The following COL24A1 variants were observed in gnomAD, a reference collection of about 807,000 sequenced individuals.
COL24A1 encodes the protein collagen type XXIV alpha 1 chain.
Under a neutral mutation model 253.9 loss-of-function variants are expected in COL24A1, and 224 were observed. The ratio of observed to expected loss-of-function variants is 0.88; its 90% CI spans 0.79 to 0.99. The LOEUF is 0.99. COL24A1 is among the 50% of genes least tolerant of loss of function. The pLI, the probability that COL24A1 is intolerant of heterozygous loss-of-function variation, is 0.00. For synonymous variants in COL24A1, 685 were observed against 673.7 expected, an observed-to-expected ratio of 1.02 and a Z score of -0.26; for missense variants, 2,131 against 2,068.5, an observed-to-expected ratio of 1.03 and a Z score of -0.59.
At chr1:85,924,893 C>T (rs1380625777) in intron 24 of COL24A1, among the ~76,000 whole-genome samples, 1 of 152,158 alleles carries the variant, frequency 6.6e-6, no homozygotes, top group African/African-American at 2.4e-5. Flanking sequence ...TCCATGTTTG[C>T]AGAGGACATG....
chr1:85,851,189 A>G (rs936717381), intron 37 of COL24A1, among the ~76,000 whole-genome samples: 3 of 151,952 alleles, frequency 2.0e-5, no homozygotes, highest in Admixed American at 1.3e-4. Context: ...TGTATTTTGT[A>G]TCTTTAAAAA....
chr1:85,830,232 C>CTCGGGGG (rs1361402950), intron 43 of COL24A1, among the ~76,000 whole-genome samples: 2 of 152,100 alleles, frequency 1.3e-5, no homozygotes, highest in African/African-American at 4.8e-5. Context: ...AGTTAGGCTG[C>CTCGGGGG]TCGGGGGTCA....
chr1:85,745,625 G>C (rs766810819), intron 55 of COL24A1, 119 bp from the exon 56 acceptor site: 10 of 650,338 alleles, frequency 1.5e-5, no homozygotes, highest in Admixed American at 6.7e-5. Context: ...TATCTGAAGG[G>C]GTTCTGTAAC....
chr1:86,117,345 G>A (rs1706247039), intron 3 of COL24A1, among the ~76,000 whole-genome samples: 2 of 152,190 alleles, frequency 1.3e-5, no homozygotes, highest in East Asian at 2.0e-4. Context: ...TCCACCATGT[G>A]AGGACACAGC....
At chr1:85,873,510 A>T (rs1558482372) in intron 35 of COL24A1, among the ~76,000 whole-genome samples, 1 of 152,240 alleles carries the variant, frequency 6.6e-6, no homozygotes, top group South Asian at 2.1e-4. Flanking sequence ...ATGCAGCCAT[A>T]AAAAAGGATG....
intron 55 of COL24A1, among the ~76,000 whole-genome samples, chr1:85,754,445 C>T (rs1180284516): frequency 4.3e-5 from 4 of 93,604 alleles, no homozygotes; most frequent in African/African-American, 1.7e-4. Context: ...CTAGATGACA[C>T]GTTAGTGGGT....
chr1:85,934,476 T>A (rs961296566), intron 24 of COL24A1, among the ~76,000 whole-genome samples: 3 of 152,178 alleles, frequency 2.0e-5, no homozygotes, highest in Non-Finnish European at 2.9e-5. Flanking sequence ...TCTAAATTAG[T>A]GTTGTTGGAA....
chr1:85,815,778 A>G (rs1672992968), intron 47 of COL24A1, among the ~76,000 whole-genome samples: 1 of 152,114 alleles, frequency 6.6e-6, no homozygotes, highest in Non-Finnish European at 1.5e-5. Flanking sequence ...TAAAAGGGTA[A>G]GTTTTACTGT....
chr1:86,001,113 T>A (rs75229713), intron 19 of COL24A1, among the ~76,000 whole-genome samples: 1 of 152,010 alleles, frequency 6.6e-6, no homozygotes, highest in Non-Finnish European at 1.5e-5. Flanking sequence ...TACAATTCCA[T>A]GAAAAGCTAA....
At chr1:86,062,720 C>T (rs1276935777) in intron 8 of COL24A1, among the ~76,000 whole-genome samples, 5 of 152,054 alleles carry the variant, frequency 3.3e-5, no homozygotes, top group Non-Finnish European at 1.5e-5. Flanking sequence ...TGCTCAAATG[C>T]TTTTCAGTAC....
At chr1:85,995,107 CA>C (rs1418307886) in intron 19 of COL24A1, among the ~76,000 whole-genome samples, 2 of 152,106 alleles carry the variant, frequency 1.3e-5, no homozygotes, top group African/African-American at 4.8e-5. Context: ...TATGACAAAA[CA>C]TATATTCTGT....
At chr1:85,802,927 A>G (rs1671589160) in intron 47 of COL24A1, among the ~76,000 whole-genome samples, 1 of 152,124 alleles carries the variant, frequency 6.6e-6, no homozygotes, top group South Asian at 2.1e-4. Flanking sequence ...CTAATATTTC[A>G]TTGTATACAT....
chr1:85,957,046 A>G (rs1690535050), intron 24 of COL24A1, among the ~76,000 whole-genome samples: 1 of 152,194 alleles, frequency 6.6e-6, no homozygotes, highest in African/African-American at 2.4e-5. Context: ...ATAAAAAAGA[A>G]TGAGTTCATG....
chr1:86,101,255 A>C (rs1284986560), intron 5 of COL24A1, among the ~76,000 whole-genome samples: 1 of 152,122 alleles, frequency 6.6e-6, no homozygotes, highest in Non-Finnish European at 1.5e-5. Context: ...GACTTTGTTG[A>C]AGTTGTATAT....
intron 28 of COL24A1, among the ~76,000 whole-genome samples, chr1:85,896,788 A>G (rs983325248): frequency 1.3e-5 from 2 of 152,240 alleles, no homozygotes; most frequent in East Asian, 1.9e-4. Flanking sequence ...GTGAGCCACC[A>G]CCCACCGCGC....
At chr1:85,842,307 T>A in intron 40 of COL24A1, 33 bp downstream of exon 40, 1 of 1,476,650 alleles carries the variant, frequency 6.8e-7, no homozygotes, top group Non-Finnish European at 9.3e-7. Context: ...AATGTTTTCA[T>A]GTGAATATAT....
At chr1:86,040,615 G>A (rs565889680) in intron 12 of COL24A1, among the ~76,000 whole-genome samples, 1 of 151,752 alleles carries the variant, frequency 6.6e-6, no homozygotes, top group Non-Finnish European at 1.5e-5. Flanking sequence ...GTAGTTCATT[G>A]GGTGTCCTTC....
intron 2 of COL24A1, among the ~76,000 whole-genome samples, chr1:86,143,347 G>A (rs1293435231): frequency 2.0e-5 from 3 of 152,128 alleles, no homozygotes. Flanking sequence ...AGTACTTGGT[G>A]CGTTTGGGGG....
chr1:86,022,148 G>C (rs1188797212), intron 18 of COL24A1, 92 bp downstream of exon 18: 1 of 1,087,742 alleles, frequency 9.2e-7, no homozygotes, highest in Non-Finnish European at 1.4e-6. Flanking sequence ...TGCTCAGTAG[G>C]CTTATACCCT....
Sources: gnomAD v4.1 joint callset for allele counts (sites outside exome capture counted in the v4.1 genomes callset) on GRCh38, gnomAD v4.1.1 for gene constraint, MANE v1.5 for transcripts, NCBI Gene and HGNC (gene_info 2026-07-23, HGNC 2026-07-21) for gene names.